The following ARHGAP6 variants were observed in gnomAD, a reference collection of about 807,000 sequenced individuals.
The protein encoded by ARHGAP6 is rho GTPase-activating protein 6.
A neutral mutation model predicts 55.7 loss-of-function variants in ARHGAP6; 16 were observed. The observed-to-expected ratio is 0.29, with a 90% CI of 0.19 to 0.44. ARHGAP6 has a LOEUF of 0.44. Ranked by LOEUF, ARHGAP6 falls within the 20% of genes least tolerant of loss-of-function variation. The pLI, the probability that ARHGAP6 is intolerant of heterozygous loss-of-function variation, is 1.00. For synonymous variants in ARHGAP6, 382 were observed against 360.9 expected, an observed-to-expected ratio of 1.06 and a Z score of -0.66; for missense variants, 698 against 808.9, an observed-to-expected ratio of 0.86 and a Z score of 1.66.
chrX:11,661,407 G>A (rs12007912), intron 1 of ARHGAP6, among the ~76,000 whole-genome samples: 22,007 of 112,118 alleles, frequency 0.2, 2,148 homozygotes, highest in African/African-American at 0.37. Context: ...TAACAAGATC[G>A]TAGCTGACTT....
chrX:11,360,732 C>T (rs1173740647), intron 1 of ARHGAP6, among the ~76,000 whole-genome samples: 18 of 110,643 alleles, frequency 1.6e-4, no homozygotes, highest in Admixed American at 3.8e-4. Context: ...TGTTTGCAGA[C>T]GACACGATTG....
chrX:11,542,400 G>T (rs993240082), intron 1 of ARHGAP6, among the ~76,000 whole-genome samples: 1 of 110,992 alleles, frequency 9.0e-6, no homozygotes, highest in African/African-American at 3.3e-5. Flanking sequence ...CTTGAACTCG[G>T]GTGGCAGAGG....
At chrX:11,479,643 A>AT (rs112520019) in intron 1 of ARHGAP6, among the ~76,000 whole-genome samples, 3,151 of 111,069 alleles carry the variant, frequency 0.028, 46 homozygotes, top group Middle Eastern at 0.064. Flanking sequence ...AATTCTAATA[A>AT]TTTTTTCAAA....
chrX:11,347,699 T>C, intron 1 of ARHGAP6, among the ~76,000 whole-genome samples: 1 of 112,298 alleles, frequency 8.9e-6, no homozygotes, highest in Middle Eastern at 4.6e-3. Context: ...GGCATTCCCA[T>C]TATGGAAGGC....
chrX:11,400,852 CA>C (rs1420999335), intron 1 of ARHGAP6, among the ~76,000 whole-genome samples: 1 of 112,036 alleles, frequency 8.9e-6, no homozygotes, highest in Non-Finnish European at 1.9e-5. Flanking sequence ...ACATGAATGT[CA>C]ACTTCTAGTC....
At chrX:11,226,498 G>A (rs1290221331) in intron 2 of ARHGAP6, among the ~76,000 whole-genome samples, 7 of 111,660 alleles carry the variant, frequency 6.3e-5, no homozygotes, top group Non-Finnish European at 1.3e-4. Flanking sequence ...TAATTGGTAA[G>A]TGTATTTTTA....
chrX:11,174,512 TC>T (rs2046141045), intron 8 of ARHGAP6, among the ~76,000 whole-genome samples: 1 of 93,730 alleles, frequency 1.1e-5, no homozygotes, highest in African/African-American at 4.3e-5. Flanking sequence ...GGCCATTCTT[TC>T]TTTCTTTCCT....
chrX:11,443,209 A>G (rs1325493432), intron 1 of ARHGAP6, among the ~76,000 whole-genome samples: 1 of 112,531 alleles, frequency 8.9e-6, no homozygotes, highest in Non-Finnish European at 1.9e-5. Flanking sequence ...TGTCAATATT[A>G]TATGTTGTAG....
chrX:11,522,601 T>C (rs1451131070), intron 1 of ARHGAP6, among the ~76,000 whole-genome samples: 12 of 111,588 alleles, frequency 1.1e-4, no homozygotes, highest in East Asian at 2.8e-4. Context: ...GAGAATACTA[T>C]AAACACCTCT....
intron 1 of ARHGAP6, among the ~76,000 whole-genome samples, chrX:11,292,771 T>C (rs995003294): frequency 8.9e-6 from 1 of 112,325 alleles, no homozygotes; most frequent in Non-Finnish European, 1.9e-5. Context: ...AAGTTCCTGA[T>C]TGTTTTTACG....
intron 1 of ARHGAP6, among the ~76,000 whole-genome samples, chrX:11,264,004 G>C (rs2047593167): frequency 9.0e-6 from 1 of 111,255 alleles, no homozygotes; most frequent in Admixed American, 9.6e-5. Context: ...GCAGCCTACA[G>C]GCCACAATTG....
chrX:11,395,381 A>G (rs2049464267), intron 1 of ARHGAP6, among the ~76,000 whole-genome samples: 1 of 112,711 alleles, frequency 8.9e-6, no homozygotes, highest in African/African-American at 3.2e-5. Context: ...TATTCATCAA[A>G]AAACAAAAAG....
chrX:11,651,007 T>C (rs1465029111), intron 1 of ARHGAP6, among the ~76,000 whole-genome samples: 1 of 112,520 alleles, frequency 8.9e-6, no homozygotes, highest in Non-Finnish European at 1.9e-5. Context: ...CTGAAATATC[T>C]AGAGTAACAC....
intron 10 of ARHGAP6, among the ~76,000 whole-genome samples, chrX:11,149,536 A>G (rs896871277): frequency 3.1e-4 from 35 of 111,560 alleles, no homozygotes; most frequent in Admixed American, 2.6e-3. Context: ...CCGCCACTCA[A>G]TAGGACTCTT....
intron 1 of ARHGAP6, among the ~76,000 whole-genome samples, chrX:11,589,970 T>C (rs1438023649): frequency 8.9e-6 from 1 of 111,764 alleles, no homozygotes; most frequent in Non-Finnish European, 1.9e-5. Flanking sequence ...TTAAGACTAA[T>C]GAGGCATGCC....
chrX:11,218,324 T>C (rs1049708940), intron 2 of ARHGAP6, among the ~76,000 whole-genome samples: 3 of 112,051 alleles, frequency 2.7e-5, no homozygotes, highest in African/African-American at 9.7e-5. Context: ...TTTCACAATA[T>C]TGATTCTTCG....
At position 11,254,716 on chromosome X, in the gene ARHGAP6, C is replaced by CAA. The variant is rs751080433; in HGVS notation, c.589-11_589-10dup. 5,085 of 855,780 alleles carry CAA rather than the reference C, an allele frequency of 5.9e-3. 10 individuals are homozygous for CAA. Among genetic ancestry groups the CAA allele is most frequent in the South Asian group, 8.8e-3 (174 of 19,712 alleles). 70.5% of individuals were successfully genotyped at this position (855,780 alleles called of 1,213,427 possible). ...TTCCAGGTGAAATCACCCTGTAGGC[C>CAA]AAAAAAAAAAAAAAAAAAAAAATCA... is the stretch of plus-strand genomic sequence containing the variant. On this transcript the variant is annotated splice_polypyrimidine_tract_variant and intron_variant, in intron 1 of 12. Coordinates refer to ENST00000337414, the MANE Select transcript of ARHGAP6 (RefSeq NM_013427.3).
At chrX:11,569,307 T>A (rs763760783) in intron 1 of ARHGAP6, among the ~76,000 whole-genome samples, 1 of 110,980 alleles carries the variant, frequency 9.0e-6, no homozygotes, top group Non-Finnish European at 1.9e-5. Flanking sequence ...CAAATGTCAA[T>A]GGTGTCTCAG....
intron 1 of ARHGAP6, among the ~76,000 whole-genome samples, chrX:11,613,650 C>A (rs752466697): frequency 1.8e-5 from 2 of 112,270 alleles, no homozygotes; most frequent in South Asian, 3.7e-4. Context: ...CCTTGGCATT[C>A]CCTGTCTATA....
Sources: allele counts gnomAD v4.1 joint callset (sites outside exome capture counted in the v4.1 genomes callset), GRCh38; gene constraint gnomAD v4.1.1; transcripts MANE v1.5; gene names NCBI Gene and HGNC (gene_info 2026-07-23, HGNC 2026-07-21).